The following FTO variants were observed in gnomAD, a reference collection of about 807,000 sequenced individuals.
FTO encodes alpha-ketoglutarate-dependent dioxygenase FTO.
FTO carries 47 observed loss-of-function variants against 63.9 expected under a neutral mutation model. The ratio of observed to expected loss-of-function variants is 0.74; its 90% CI spans 0.58 to 0.94. The LOEUF (loss-of-function observed/expected upper bound fraction) is 0.94, where lower values mean the gene tolerates loss of function less well. FTO is among the 40% of genes least tolerant of loss of function. The pLI is 0.00. For missense variants in FTO, 562 were observed against 618.1 expected, an observed-to-expected ratio of 0.91 and a Z score of 0.96; for synonymous variants, 207 against 224.4, an observed-to-expected ratio of 0.92 and a Z score of 0.69.
chr16:54,008,805 AAATAATAATAATAAT>A (rs142826263), intron 8 of FTO, among the ~76,000 whole-genome samples: 3,057 of 140,956 alleles, frequency 0.022, 61 homozygotes, highest in African/African-American at 0.049. Flanking sequence ...CTGTCTCCAC[AAATAATAATAATAAT>A]AATAATAATA....
chr16:53,861,062 T>C (rs1409131651), intron 4 of FTO, among the ~76,000 whole-genome samples: 2 of 152,214 alleles, frequency 1.3e-5, no homozygotes, highest in Non-Finnish European at 2.9e-5. Flanking sequence ...AGAAAATGTT[T>C]TAAATCACAA....
intron 8 of FTO, among the ~76,000 whole-genome samples, chr16:54,029,742 G>A (rs1469916300): frequency 6.6e-6 from 1 of 152,166 alleles, no homozygotes; most frequent in Non-Finnish European, 1.5e-5. Flanking sequence ...GTGACGGGGA[G>A]AATGATATTT....
chr16:54,093,516 C>T (rs894024173), intron 8 of FTO, among the ~76,000 whole-genome samples: 2 of 152,176 alleles, frequency 1.3e-5, no homozygotes, highest in East Asian at 3.9e-4. Flanking sequence ...GACTCACCGC[C>T]GAGCTCTGGC....
intron 4 of FTO, among the ~76,000 whole-genome samples, chr16:53,867,605 A>G (rs1742713545): frequency 6.6e-6 from 1 of 151,836 alleles, no homozygotes; most frequent in African/African-American, 2.4e-5. Context: ...TACGTGTTTT[A>G]TCGCCCAGAA....
chr16:53,924,795 G>C (rs949670386), intron 7 of FTO, among the ~76,000 whole-genome samples: 1 of 152,184 alleles, frequency 6.6e-6, no homozygotes, highest in Non-Finnish European at 1.5e-5. Context: ...TCCTCCGGGA[G>C]ATAAGGTAGG....
intron 8 of FTO, chr16:53,937,249 A>G (rs957606866): frequency 5.0e-6 from 2 of 398,514 alleles, no homozygotes; most frequent in Non-Finnish European, 8.8e-6. Flanking sequence ...ACTTCCCCAG[A>G]GTTGAATGAT....
chr16:53,986,403 A>G (rs796354566), intron 8 of FTO, among the ~76,000 whole-genome samples: 5 of 152,308 alleles, frequency 3.3e-5, no homozygotes, highest in African/African-American at 1.2e-4. Flanking sequence ...TGTGAGGACT[A>G]ACCATGTGTC....
chr16:53,893,567 A>T (rs2081205945), intron 7 of FTO, among the ~76,000 whole-genome samples: 1 of 152,188 alleles, frequency 6.6e-6, no homozygotes, highest in Non-Finnish European at 1.5e-5. Context: ...TACCTATAAA[A>T]ATGTTTTAAC....
intron 8 of FTO, among the ~76,000 whole-genome samples, chr16:54,090,927 C>G (rs1014928547): frequency 8.5e-5 from 13 of 152,310 alleles, no homozygotes; most frequent in African/African-American, 2.9e-4. Flanking sequence ...TCCAAGTGGC[C>G]TTTCCATGTG....
At chr16:53,884,610 A>G (rs908755811) in intron 6 of FTO, among the ~76,000 whole-genome samples, 20 of 152,204 alleles carry the variant, frequency 1.3e-4, no homozygotes, top group African/African-American at 4.8e-4. Context: ...GGTAGAAGAA[A>G]AGTAGGTGAC....
chr16:53,764,479 A>AAAAAAG (rs1407327764), intron 1 of FTO, among the ~76,000 whole-genome samples: 1 of 151,288 alleles, frequency 6.6e-6, no homozygotes, highest in East Asian at 1.9e-4. Context: ...AAAATACAAA[A>AAAAAAG]AAAAAAAAAA....
chr16:53,815,513 C>A (rs956209049), intron 2 of FTO, among the ~76,000 whole-genome samples: 1 of 152,234 alleles, frequency 6.6e-6, no homozygotes, highest in Admixed American at 6.5e-5. Context: ...CTCATGCCCT[C>A]CCCAGTGCCA....
chr16:53,839,803 A>G (rs868095689), intron 3 of FTO, among the ~76,000 whole-genome samples: 1 of 70,586 alleles, frequency 1.4e-5, no homozygotes, highest in Non-Finnish European at 2.4e-5. Context: ...TTATTTATTT[A>G]TTTATTTATT....
chr16:54,029,356 CTG>C (rs1333356621), intron 8 of FTO, among the ~76,000 whole-genome samples: 1 of 152,154 alleles, frequency 6.6e-6, no homozygotes, highest in African/African-American at 2.4e-5. Context: ...CAGCAGTGTG[CTG>C]TGTGTTAATT....
chr16:53,797,624 G>A (rs2078109830), intron 1 of FTO, among the ~76,000 whole-genome samples: 1 of 151,926 alleles, frequency 6.6e-6, no homozygotes, highest in African/African-American at 2.4e-5. Flanking sequence ...CCAGTTTTGG[G>A]TAATTACAAA....
chr16:53,715,228 T>G (rs1404122105), intron 1 of FTO, among the ~76,000 whole-genome samples: 2 of 152,136 alleles, frequency 1.3e-5, no homozygotes, highest in Non-Finnish European at 2.9e-5. Flanking sequence ...AGCCCAGGGT[T>G]GTCTTTTTGT....
intron 1 of FTO, among the ~76,000 whole-genome samples, chr16:53,803,119 T>C (rs1281982954): frequency 2.0e-5 from 3 of 152,244 alleles, no homozygotes; most frequent in Admixed American, 2.0e-4. Context: ...TTGCTTTTGA[T>C]TGGATGACAA....
chr16:53,741,613 T>A (rs531060397), intron 1 of FTO, among the ~76,000 whole-genome samples: 4 of 152,184 alleles, frequency 2.6e-5, no homozygotes, highest in Non-Finnish European at 5.9e-5. Flanking sequence ...TAGGTAGTGG[T>A]CAAGCTGCCC....
intron 4 of FTO, among the ~76,000 whole-genome samples, chr16:53,859,401 T>G (rs996276005): frequency 1.3e-5 from 2 of 151,948 alleles, no homozygotes; most frequent in Non-Finnish European, 2.9e-5. Flanking sequence ...AAATATGTGG[T>G]AAGTTTCTAG....
Sources: allele counts gnomAD v4.1 joint callset (sites outside exome capture counted in the v4.1 genomes callset), GRCh38; gene constraint gnomAD v4.1.1; transcripts MANE v1.5; gene names NCBI Gene and HGNC (gene_info 2026-07-23, HGNC 2026-07-21).